Variants in CIMAP2 observed in about 807,000 individuals in gnomAD.
The protein encoded by CIMAP2 is ciliary microtubule-associated protein 2.
the CIMAP2 span, among the ~76,000 whole-genome samples, chr1:54,816,733 A>G: frequency 2.0e-5 from 3 of 152,134 alleles, no homozygotes; most frequent in Non-Finnish European, 2.9e-5. Context: ...CACCAGTCAC[A>G]TTGGAAGAAG....
the CIMAP2 span, among the ~76,000 whole-genome samples, chr1:54,834,581 T>G: frequency 6.6e-6 from 1 of 152,226 alleles, no homozygotes; most frequent in Admixed American, 6.5e-5. Flanking sequence ...TGCTTAAGAT[T>G]AGAATTGTCT....
chr1:54,839,664 C>T, the CIMAP2 span, among the ~76,000 whole-genome samples: 1 of 152,096 alleles, frequency 6.6e-6, no homozygotes, highest in African/African-American at 2.4e-5. Context: ...AGGCATGAGC[C>T]ACCATGCCCA....
chr1:54,835,913 C>G, the CIMAP2 span, among the ~76,000 whole-genome samples: 1 of 152,096 alleles, frequency 6.6e-6, no homozygotes, highest in Non-Finnish European at 1.5e-5. Context: ...TCTTTGAACC[C>G]AGGAAGGCTG....
chr1:54,808,613 G>GGGGGT, the CIMAP2 span, among the ~76,000 whole-genome samples: 6 of 73,364 alleles, frequency 8.2e-5, 1 homozygote, highest in Non-Finnish European at 1.7e-4. Context: ...AGGTGCTGCC[G>GGGGGT]GGGGAGGGCA....
At chr1:54,831,230 G>A in the CIMAP2 span, among the ~76,000 whole-genome samples, 3 of 152,202 alleles carry the variant, frequency 2.0e-5, no homozygotes, top group African/African-American at 7.2e-5. Context: ...TAGTCAACCA[G>A]TCATTCATCT....
chr1:54,813,996 G>A, the CIMAP2 span: 1,003 of 1,564,318 alleles, frequency 6.4e-4, 6 homozygotes, highest in African/African-American at 0.012. Flanking sequence ...TCCTATGGCC[G>A]GCCTTCCTCT....
chr1:54,824,564 T>C, the CIMAP2 span, among the ~76,000 whole-genome samples: 11 of 152,274 alleles, frequency 7.2e-5, no homozygotes, highest in African/African-American at 2.4e-4. Context: ...ACTTTCTTAA[T>C]CTTGTAATTT....
At chr1:54,811,773 GCC>G in the CIMAP2 span, 1 of 1,325,048 alleles carries the variant, frequency 7.5e-7, no homozygotes, top group Non-Finnish European at 1.0e-6. Flanking sequence ...CAGCCTCCAT[GCC>G]CCCACCCCCG....
At chr1:54,809,370 G>A in the CIMAP2 span, among the ~76,000 whole-genome samples, 1 of 152,198 alleles carries the variant, frequency 6.6e-6, no homozygotes, top group African/African-American at 2.4e-5. Flanking sequence ...GCACCTTCAG[G>A]TGCAGAAGCT....
the CIMAP2 span, chr1:54,807,684 G>A: frequency 8.8e-6 from 14 of 1,595,256 alleles, no homozygotes; most frequent in Non-Finnish European, 1.2e-5. Flanking sequence ...AAGAGAAGCG[G>A]CTGAAGGTGA....
the CIMAP2 span, among the ~76,000 whole-genome samples, chr1:54,811,236 T>C: frequency 1.3e-5 from 2 of 152,018 alleles, no homozygotes; most frequent in African/African-American, 4.8e-5. Context: ...TCACAGCACA[T>C]TGAGAAAGCC....
the CIMAP2 span, chr1:54,815,088 A>G: frequency 6.2e-7 from 1 of 1,606,110 alleles, no homozygotes. Flanking sequence ...TCCTGCCTCT[A>G]CAGCCAACAC....
At chr1:54,808,071 C>G in the CIMAP2 span, 7 of 1,464,648 alleles carry the variant, frequency 4.8e-6, no homozygotes, top group East Asian at 2.5e-5. Context: ...GGGTGCCCAA[C>G]AAATTCATTC....
chr1:54,811,771 A>AC, the CIMAP2 span: 13 of 440,376 alleles, frequency 3.0e-5, no homozygotes, highest in South Asian at 1.1e-4. Context: ...GACAGCCTCC[A>AC]TGCCCCCACC....
chr1:54,814,253 G>A, the CIMAP2 span, among the ~76,000 whole-genome samples: 5 of 152,146 alleles, frequency 3.3e-5, no homozygotes, highest in East Asian at 1.9e-4. Flanking sequence ...CCCAGGAAGC[G>A]CCCAGCCAGT....
At chr1:54,836,089 C>G in the CIMAP2 span, among the ~76,000 whole-genome samples, 1 of 152,008 alleles carries the variant, frequency 6.6e-6, no homozygotes, top group African/African-American at 2.4e-5. Flanking sequence ...CTCTCCTTCT[C>G]CCCTCAAACC....
chr1:54,808,893 T>TCATATAGGC, the CIMAP2 span, among the ~76,000 whole-genome samples: 1 of 32,222 alleles, frequency 3.1e-5, no homozygotes, highest in Non-Finnish European at 7.5e-5. Flanking sequence ...TCCCAGCCCC[T>TCATATAGGC]CATATAGGCC....
At chr1:54,814,971 C>A in the CIMAP2 span, 1 of 1,614,188 alleles carries the variant, frequency 6.2e-7, no homozygotes, top group Non-Finnish European at 8.5e-7. Context: ...ACCCGTCAAC[C>A]AGCCCCCATT....
the CIMAP2 span, among the ~76,000 whole-genome samples, chr1:54,839,881 C>T: frequency 6.6e-6 from 1 of 151,104 alleles, no homozygotes; most frequent in Non-Finnish European, 1.5e-5. Flanking sequence ...CTCCCAAGTA[C>T]TGGGACTACA....
Sources: allele counts gnomAD v4.1 joint callset (sites outside exome capture counted in the v4.1 genomes callset), GRCh38; gene constraint gnomAD v4.1.1; transcripts MANE v1.5; gene names NCBI Gene and HGNC (gene_info 2026-07-23, HGNC 2026-07-21).